USP6NL: variants seen among roughly 807,000 people sequenced by gnomAD.
USP6NL encodes USP6 N-terminal like.
A neutral mutation model predicts 61.9 loss-of-function variants in USP6NL; 26 were observed. The ratio of observed to expected loss-of-function variants is 0.42; its 90% confidence interval spans 0.31 to 0.58. The LOEUF (loss-of-function observed/expected upper bound fraction) is 0.58, where lower values mean the gene tolerates loss of function less well. USP6NL is among the 20% of genes least tolerant of loss of function. USP6NL has a pLI of 0.16. For synonymous variants in USP6NL, 432 were observed against 390.1 expected, an observed-to-expected ratio of 1.11 and a Z score of -1.27; for missense variants, 1,114 against 1,034.3, an observed-to-expected ratio of 1.08 and a Z score of -1.06.
At position 11,532,115 on chromosome 10, in the gene USP6NL, A is replaced by G; in HGVS notation, c.5-4548T>C. 2.5e-6 allele frequency: 3 copies of G among 1,198,772 alleles called. No homozygotes were observed. The highest frequency in any genetic ancestry group is 3.5e-6 in the Non-Finnish European group (3 of 852,292). The allele number at this position is 1,198,772 out of a possible 1,614,324, so 74.3% of individuals were successfully genotyped here. On this transcript the variant is annotated intron_variant, in intron 2 of 14. Transcript: ENST00000609104. The surrounding 1 kb of genome is among the most constrained non-coding windows in gnomAD (Gnocchi z 4.1). ...AAATTTACAGCAGACCATTTTTCCT[A>G]GAGTACATTTTGACAGATGAACGTT...
intron 6 of USP6NL, among the ~76,000 whole-genome samples, chr10:11,505,109 G>C (rs552509578): frequency 2.0e-4 from 31 of 152,200 alleles, no homozygotes; most frequent in Non-Finnish European, 2.8e-4. Flanking sequence ...TTATCTTAGA[G>C]ATAACAGAAG....
chr10:11,553,497 G>A lies in USP6NL; in HGVS notation c.5-25930C>T, dbSNP rs565733946. 3.2e-4 allele frequency among the ~76,000 whole-genome samples: 48 copies of A among 152,266 alleles called. No homozygotes were observed. Among genetic ancestry groups the A allele is most frequent in the South Asian group, 6.2e-4 (3 of 4,826 alleles). The stretch of plus-strand genomic sequence containing the variant: ...GTATGCCAAAACTAAATAAAAGGCT[G>A]AAAATCAATGTTCCTTAATATATTA... On this transcript the variant is annotated intron_variant, in intron 2 of 14. Transcript: ENST00000609104. This position sits in a 1 kb window ranked among gnomAD's most constrained non-coding sequence, Gnocchi z 4.8.
Position 11,514,024 on chromosome 10 carries a change from C to T in USP6NL, c.196-4349G>A, listed in dbSNP as rs770243964. 1.2e-4 allele frequency among the ~76,000 whole-genome samples: 19 copies of T among 152,314 alleles called. No individual in the cohort carries two copies. In the Middle Eastern group the frequency reaches 0.014, roughly 109 times the overall value. On this transcript the variant is annotated intron_variant, in intron 5 of 14. Coordinates refer to ENST00000609104, the MANE Select transcript of USP6NL (RefSeq NM_014688.5). The stretch of plus-strand genomic sequence containing the variant: ...CCCAGCACATCACATCAGATGCACA[C>T]GATGCCAAGCTGTACCACTTCTAGC...
intron 2 of USP6NL, among the ~76,000 whole-genome samples, chr10:11,536,692 T>G (rs1835846010): frequency 6.6e-6 from 1 of 152,196 alleles, no homozygotes; most frequent in Non-Finnish European, 1.5e-5. Flanking sequence ...TTCCATTATT[T>G]AAGGTTGACA....
chr10:11,473,264 C>T (rs1832831554), intron 14 of USP6NL, among the ~76,000 whole-genome samples: 1 of 152,176 alleles, frequency 6.6e-6, no homozygotes, highest in Non-Finnish European at 1.5e-5. Flanking sequence ...GCCACAGCCC[C>T]GCAGTGTATT....
At chr10:11,494,569 G>A (rs1184438591) in intron 7 of USP6NL, among the ~76,000 whole-genome samples, 2 of 152,140 alleles carry the variant, frequency 1.3e-5, no homozygotes, top group Non-Finnish European at 2.9e-5. Context: ...AATGCGCGGA[G>A]CCCAGTAGTG....
At chr10:11,508,420 A>G (rs1218458417) in intron 6 of USP6NL, among the ~76,000 whole-genome samples, 1 of 152,154 alleles carries the variant, frequency 6.6e-6, no homozygotes. Context: ...TAATAAAACT[A>G]TTTCTTTTTA....
intron 7 of USP6NL, among the ~76,000 whole-genome samples, chr10:11,497,121 T>C (rs922591051): frequency 1.5e-5 from 2 of 134,670 alleles, no homozygotes; most frequent in African/African-American, 2.8e-5. Flanking sequence ...TTTAAGATAA[T>C]GGGCAAGGCC....
intron 2 of USP6NL, among the ~76,000 whole-genome samples, chr10:11,571,559 A>G (rs935802012): frequency 6.6e-6 from 1 of 152,054 alleles, no homozygotes; most frequent in African/African-American, 2.4e-5. Flanking sequence ...TTTTCATACT[A>G]TTTATAATAT....
intron 2 of USP6NL, chr10:11,565,765 C>T (rs1284887177): frequency 2.6e-5 from 4 of 152,178 alleles, no homozygotes; most frequent in Non-Finnish European, 5.9e-5. Context: ...CCATTGAAGC[C>T]AATATGGACA....
At chr10:11,515,838 C>T (rs1016354432) in intron 5 of USP6NL, among the ~76,000 whole-genome samples, 2 of 152,106 alleles carry the variant, frequency 1.3e-5, no homozygotes, top group Non-Finnish European at 2.9e-5. Flanking sequence ...CAAAAAGAAA[C>T]GTGTCTTTTT....
chr10:11,464,501 C>A (rs1160376161), intron 14 of USP6NL, among the ~76,000 whole-genome samples: 1 of 152,216 alleles, frequency 6.6e-6, no homozygotes, highest in Non-Finnish European at 1.5e-5. Flanking sequence ...AGGCTCACCA[C>A]TAGCAAGTCA....
intron 2 of USP6NL, among the ~76,000 whole-genome samples, chr10:11,558,816 C>CT (rs1365517524): frequency 2.0e-5 from 3 of 152,060 alleles, no homozygotes; most frequent in Admixed American, 6.5e-5. Context: ...AATACAGGGA[C>CT]TTTTTTTTCC....
chr10:11,515,517 T>C (rs188134257), intron 5 of USP6NL, among the ~76,000 whole-genome samples: 113 of 152,350 alleles, frequency 7.4e-4, no homozygotes, highest in African/African-American at 2.7e-3. Flanking sequence ...AACTGGCTTC[T>C]GACGTGAGAG....
At position 11,462,669 on chromosome 10, in the gene USP6NL, G is replaced by C. The variant is rs1440859862; in HGVS notation, c.2259C>G (p.Thr753=). 3.7e-6 allele frequency: 6 copies of C among 1,613,940 alleles called. 1 individual carries two copies. In the South Asian group the frequency reaches 6.6e-5, roughly 18 times the overall value. The change falls in exon 15 of 15, where the codon ACC becomes ACG. Residue 753 remains threonine, a synonymous_variant. Coordinates refer to ENST00000609104, the MANE Select transcript of USP6NL (RefSeq NM_014688.5). ...YRPETQGQSW[T]RDASRGNLPK... is the part of the protein sequence containing the mutation. Reference sequence around the variant, plus strand: ...GTAAATTGCCACGGCTAGCATCTCGGGTCCATGATTGTCCCTGCGTCTCAG... The same window carrying C: ...GTAAATTGCCACGGCTAGCATCTCGCGTCCATGATTGTCCCTGCGTCTCAG...
In USP6NL at chr10:11,493,322, G is replaced by T. The variant is rs1213992175; in HGVS notation, c.385-94C>A. On this transcript the variant is annotated intron_variant, in intron 7 of 14. Coordinates refer to ENST00000609104, the MANE Select transcript of USP6NL (RefSeq NM_014688.5). ...AATAATTCTCATTAAAAAGTTTTTG[G>T]TTTAAAAAAATCACTCAATGGTTAA... 2.7e-6 allele frequency: 3 copies of T among 1,125,794 alleles called. No individual in the cohort carries two copies. The African/African-American group carries it at 4.8e-5, about 18-fold the overall frequency. The allele number at this position is 1,125,794 out of a possible 1,614,324, so 69.7% of individuals were successfully genotyped here.
chr10:11,560,877 AAAGTT>A (rs1201286969), intron 2 of USP6NL, among the ~76,000 whole-genome samples: 7 of 151,924 alleles, frequency 4.6e-5, no homozygotes, highest in Non-Finnish European at 7.4e-5. Flanking sequence ...TTCCCAAGTC[AAAGTT>A]AAGACTAGAA....
rs746575304 is a variant in USP6NL at position 11,510,906 on chromosome 10, C to A, written c.196-1231G>T. Among the ~76,000 whole-genome samples, 5 of 152,232 alleles carry A rather than the reference C, an allele frequency of 3.3e-5. No homozygotes were observed. Among genetic ancestry groups the A allele is most frequent in the Non-Finnish European group, 5.9e-5 (4 of 68,042 alleles). ...ACACTCTGAGCCACCACATCTCTGG[C>A]TCCCATCCTGTCCTCTGCCCTAGTT... On this transcript the variant is annotated intron_variant, in intron 5 of 14. Coordinates refer to ENST00000609104, the MANE Select transcript of USP6NL (RefSeq NM_014688.5). The surrounding 1 kb of genome is among the most constrained non-coding windows in gnomAD (Gnocchi z 4.8).
rs1006668480 is a variant in USP6NL, at chr10:11,510,742, C to T, written c.196-1067G>A. 6.6e-6 allele frequency among the ~76,000 whole-genome samples: 1 copy of T among 152,226 alleles called. No individual in the cohort carries two copies. The highest frequency in any genetic ancestry group is 6.5e-5 in the Admixed American group (1 of 15,288). ...ACTCAAGGATGCATGCTCACTGCAACCCCACGAGGTAGGTATGATTGTCAC... is the reference window on the plus strand; with the variant it reads ...ACTCAAGGATGCATGCTCACTGCAATCCCACGAGGTAGGTATGATTGTCAC... On this transcript the variant is annotated intron_variant, in intron 5 of 14. Coordinates refer to ENST00000609104, the MANE Select transcript of USP6NL (RefSeq NM_014688.5). The surrounding 1 kb of genome is among the most constrained non-coding windows in gnomAD (Gnocchi z 4.8).
Sources: allele counts gnomAD v4.1 joint callset (sites outside exome capture counted in the v4.1 genomes callset), GRCh38; gene constraint gnomAD v4.1.1; non-coding constraint Gnocchi (gnomAD v3.1); transcripts MANE v1.5; gene names NCBI Gene and HGNC (gene_info 2026-07-23, HGNC 2026-07-21).